The following SETBP1 variants were observed in gnomAD, a reference collection of about 807,000 sequenced individuals.
SETBP1 encodes the protein SET-binding protein.
SETBP1 carries 9 observed loss-of-function variants against 101.0 expected under a neutral mutation model. The observed-to-expected ratio is 0.09, with a 90% CI of 0.05 to 0.16. SETBP1 has a LOEUF of 0.16. Among genes scored for constraint, SETBP1 ranks in the 10% least tolerant of loss-of-function variants. The probability of loss-of-function intolerance (pLI) is 1.00; values close to 1 mark genes in which losing one functional copy is unlikely to be tolerated. For synonymous variants in SETBP1, 818 were observed against 788.5 expected (o/e 1.04, Z -0.63); for missense variants, 1,858 against 2,033.8 (o/e 0.91, Z 1.66).
intron 3 of SETBP1, among the ~76,000 whole-genome samples, chr18:44,939,857 G>A (rs888888761): frequency 2.6e-5 from 4 of 152,144 alleles, no homozygotes; most frequent in Non-Finnish European, 5.9e-5. Context: ...GCTTGTTACC[G>A]GCACAGCATA....
intron 2 of SETBP1, among the ~76,000 whole-genome samples, chr18:44,857,701 C>T (rs1018119761): frequency 1.3e-5 from 2 of 152,084 alleles, no homozygotes; most frequent in African/African-American, 4.8e-5. Flanking sequence ...GAGAGCTATC[C>T]CCCAACTGAA....
intron 4 of SETBP1, among the ~76,000 whole-genome samples, chr18:45,033,270 A>G (rs932715120): frequency 6.6e-6 from 1 of 152,220 alleles, no homozygotes; most frequent in Admixed American, 6.5e-5. Flanking sequence ...GGAAAGAAAG[A>G]ACATTGAATT....
intron 4 of SETBP1, among the ~76,000 whole-genome samples, chr18:45,015,477 G>A (rs967846945): frequency 3.9e-5 from 6 of 152,070 alleles, no homozygotes; most frequent in South Asian, 2.1e-4. Context: ...TTAACCTTTC[G>A]CAGGGCCTTA....
chr18:44,924,767 A>G (rs1209134435), intron 3 of SETBP1, among the ~76,000 whole-genome samples: 1 of 152,172 alleles, frequency 6.6e-6, no homozygotes, highest in Non-Finnish European at 1.5e-5. Flanking sequence ...CTCCCAAACC[A>G]AAGTACATTG....
intron 2 of SETBP1, chr18:44,733,082 C>G (rs1452524994): frequency 6.6e-6 from 1 of 152,146 alleles, no homozygotes; most frequent in Non-Finnish European, 1.5e-5. Context: ...AGCTCCAGAC[C>G]TAGATGAGGG....
chr18:44,890,541 G>A (rs544501045), intron 3 of SETBP1, among the ~76,000 whole-genome samples: 88 of 152,004 alleles, frequency 5.8e-4, no homozygotes, highest in Admixed American at 7.9e-4. Context: ...CTATGGACAC[G>A]ATATATCATC....
At chr18:44,823,299 G>A (rs1489202861) in intron 2 of SETBP1, among the ~76,000 whole-genome samples, 1 of 152,152 alleles carries the variant, frequency 6.6e-6, no homozygotes, top group East Asian at 1.9e-4. Flanking sequence ...GATATCCCTG[G>A]ATTTGTTTTC....
intron 5 of SETBP1, 61 bp downstream of exon 5, chr18:45,038,716 C>G: frequency 6.4e-7 from 1 of 1,564,776 alleles, no homozygotes; most frequent in Non-Finnish European, 8.8e-7. Context: ...AGAAAGCCCA[C>G]TGAGAATGGC....
At chr18:44,796,980 T>C (rs754566085) in intron 2 of SETBP1, among the ~76,000 whole-genome samples, 3 of 152,190 alleles carry the variant, frequency 2.0e-5, no homozygotes, top group Non-Finnish European at 4.4e-5. Flanking sequence ...GGGGGGTAAA[T>C]GAGGCCTCAG....
chr18:44,946,620 A>G (rs1025267341), intron 3 of SETBP1, among the ~76,000 whole-genome samples: 2 of 152,186 alleles, frequency 1.3e-5, no homozygotes, highest in African/African-American at 2.4e-5. Flanking sequence ...CAAATGACAG[A>G]TTAGTAGTGT....
intron 3 of SETBP1, among the ~76,000 whole-genome samples, chr18:44,915,617 C>T (rs1002978323): frequency 5.3e-5 from 8 of 152,110 alleles, no homozygotes; most frequent in East Asian, 3.9e-4. Context: ...AGATGAGAGA[C>T]GGCTGAGCAA....
chr18:44,743,702 C>T (rs1315418763), intron 2 of SETBP1, among the ~76,000 whole-genome samples: 3 of 152,192 alleles, frequency 2.0e-5, no homozygotes, highest in African/African-American at 7.2e-5. Context: ...TTTAACCTAC[C>T]TCTTTTTTTC....
intron 1 of SETBP1, chr18:44,697,327 T>C (rs911778868): frequency 2.0e-5 from 3 of 152,292 alleles, no homozygotes; most frequent in African/African-American, 7.2e-5. Context: ...TGTGTGCTGA[T>C]GAAGTAAACA....
At chr18:44,995,798 G>T (rs1057213880) in intron 4 of SETBP1, among the ~76,000 whole-genome samples, 7 of 152,104 alleles carry the variant, frequency 4.6e-5, no homozygotes, top group Non-Finnish European at 1.5e-5. Context: ...AATAGCAGAA[G>T]AAAGCAAACC....
rs761682660 is a variant in SETBP1, at chr18:44,951,535, G to A, written c.2195G>A (p.Arg732Lys). ...GGCAAGAAGCGGGGCAGGAAGCCAA[G>A]AGCAGAGCTGCCACCCCCATCCGAA... ...YIGKKRGRKP[R>K]AELPPPSEEP... is the part of the protein sequence containing the mutation. The change falls in exon 4 of 6, where the codon AGA (arginine) becomes AAA (lysine). Residue 732 changes from arginine (R) to lysine (K), a missense_variant. Transcript: ENST00000649279. The surrounding 1 kb of genome is among the most constrained non-coding windows in gnomAD (Gnocchi z 7.8). 1 of 1,613,988 alleles carries A rather than the reference G, an allele frequency of 6.2e-7. No individual in the cohort carries two copies. Among genetic ancestry groups the A allele is most frequent in the Non-Finnish European group, 8.5e-7 (1 of 1,180,034 alleles).
intron 2 of SETBP1, among the ~76,000 whole-genome samples, chr18:44,794,083 G>A (rs1599136835): frequency 6.6e-6 from 1 of 152,200 alleles, no homozygotes; most frequent in South Asian, 2.1e-4. Flanking sequence ...GCAGGTAAAT[G>A]TAAAGATAAT....
intron 3 of SETBP1, among the ~76,000 whole-genome samples, chr18:44,880,105 G>C (rs961399525): frequency 6.6e-6 from 1 of 152,118 alleles, no homozygotes; most frequent in Non-Finnish European, 1.5e-5. Flanking sequence ...TGGACCAAAG[G>C]GCATTTGGCT....
At chr18:45,027,676 T>C (rs1158546928) in intron 4 of SETBP1, among the ~76,000 whole-genome samples, 1 of 152,154 alleles carries the variant, frequency 6.6e-6, no homozygotes, top group Non-Finnish European at 1.5e-5. Flanking sequence ...GTTAACACAA[T>C]TGAGTGTTTA....
At chr18:44,683,550 C>T (rs1431036658) in intron 1 of SETBP1, among the ~76,000 whole-genome samples, 2 of 152,222 alleles carry the variant, frequency 1.3e-5, no homozygotes, top group African/African-American at 4.8e-5. Context: ...AAGTGTACCT[C>T]TAGGAGAGGA....
Sources: allele counts gnomAD v4.1 joint callset (sites outside exome capture counted in the v4.1 genomes callset), GRCh38; gene constraint gnomAD v4.1.1; non-coding constraint Gnocchi (gnomAD v3.1); transcripts MANE v1.5; gene names NCBI Gene and HGNC (gene_info 2026-07-23, HGNC 2026-07-21).